The following TMTC3 variants were observed in gnomAD, a reference collection of about 807,000 sequenced individuals.
The protein encoded by TMTC3 is protein O-mannosyl-transferase TMTC3.
A neutral mutation model predicts 92.2 loss-of-function variants in TMTC3; 52 were observed. The observed-to-expected ratio is 0.56, with a 90% CI of 0.45 to 0.71. TMTC3 has a LOEUF of 0.71. Ranked by LOEUF, TMTC3 falls within the 30% of genes least tolerant of loss-of-function variation. The pLI is 0.00. For synonymous variants in TMTC3, 339 were observed against 363.3 expected (o/e 0.93, Z 0.76); for missense variants, 896 against 1,057.1 (o/e 0.85, Z 2.11).
At chr12:88,178,517 T>C (rs1470722457) in intron 10 of TMTC3, among the ~76,000 whole-genome samples, 1 of 151,992 alleles carries the variant, frequency 6.6e-6, no homozygotes, top group Non-Finnish European at 1.5e-5. Flanking sequence ...TTTGTAATTT[T>C]CTATTTAGTG....
chr12:88,195,962 T>G lies in TMTC3; in HGVS notation c.*313T>G, dbSNP rs916981406. On this transcript the variant is annotated 3_prime_UTR_variant, in exon 14 of 14. Transcript: ENST00000266712. Reference sequence around the variant, plus strand: ...TACTGCTCTCAATTAAAAATAATTTTGAGGCCTGAATGATAATCCCTTGAG... The same window carrying G: ...TACTGCTCTCAATTAAAAATAATTTGGAGGCCTGAATGATAATCCCTTGAG... 2 of 191,642 alleles carry G rather than the reference T, an allele frequency of 1.0e-5. No individual in the cohort carries two copies. The highest frequency in any genetic ancestry group is 1.1e-4 in the Admixed American group (2 of 17,602). The allele number at this position is 191,642 out of a possible 1,614,324, so 11.9% of individuals were successfully genotyped here. A position where few individuals can be genotyped will look rare whatever the true frequency, so the allele number is the denominator to read the frequency against.
At chr12:88,168,614 T>C (rs1270730639) in intron 7 of TMTC3, among the ~76,000 whole-genome samples, 1 of 152,118 alleles carries the variant, frequency 6.6e-6, no homozygotes, top group African/African-American at 2.4e-5. Context: ...CCCTGATGGG[T>C]TGGCTTGCAG....
At chr12:88,167,205 G>T (rs534361580) in intron 7 of TMTC3, among the ~76,000 whole-genome samples, 1 of 152,058 alleles carries the variant, frequency 6.6e-6, no homozygotes, top group African/African-American at 2.4e-5. Context: ...GACCAGCCTG[G>T]TCAACCTGGT....
Position 88,192,932 on chromosome 12 carries a change from A to C in TMTC3, c.1933+102A>C, listed in dbSNP as rs537473858. 58 of 921,088 alleles carry C rather than the reference A, an allele frequency of 6.3e-5. 1 individual carries two copies. The African/African-American group carries it at 7.0e-4, about 11-fold the overall frequency. The allele number at this position is 921,088 out of a possible 1,614,324, so 57.1% of individuals were successfully genotyped here. On this transcript the variant is annotated intron_variant, in intron 13 of 13. Coordinates refer to ENST00000266712, the MANE Select transcript of TMTC3 (RefSeq NM_181783.4). ...CCCATAGCAAACACTTTATGTATTG[A>C]CAGTTTATAGCAATACTGTGCTTAA...
chr12:88,176,445 C>A (rs896243219), intron 10 of TMTC3, 126 bp downstream of exon 10: 3 of 640,918 alleles, frequency 4.7e-6, no homozygotes, highest in South Asian at 2.2e-5. Flanking sequence ...GAGTTCAGTG[C>A]TTATTTTGAA....
At chr12:88,157,327 A>G (rs2041023652) in intron 4 of TMTC3, among the ~76,000 whole-genome samples, 1 of 151,490 alleles carries the variant, frequency 6.6e-6, no homozygotes. Context: ...TATTGTATCT[A>G]GTATACACTG....
At chr12:88,181,580 ATG>A (rs1220644265) in intron 10 of TMTC3, among the ~76,000 whole-genome samples, 1 of 152,066 alleles carries the variant, frequency 6.6e-6, no homozygotes, top group Admixed American at 6.5e-5. Flanking sequence ...GGGCTCGAGT[ATG>A]TGTGTTAAAA....
chr12:88,189,781 TTAAAC>T (rs2041422384), intron 11 of TMTC3, among the ~76,000 whole-genome samples: 1 of 152,132 alleles, frequency 6.6e-6, no homozygotes, highest in Admixed American at 6.5e-5. Context: ...AGTTTGGAAA[TTAAAC>T]AGTCTGATTA....
At chr12:88,171,908 T>A (rs995076769) in intron 7 of TMTC3, among the ~76,000 whole-genome samples, 2 of 152,154 alleles carry the variant, frequency 1.3e-5, no homozygotes, top group Non-Finnish European at 2.9e-5. Flanking sequence ...AGGTGTGCGA[T>A]GACATCTCAT....
intron 11 of TMTC3, among the ~76,000 whole-genome samples, chr12:88,189,726 ATAGT>A (rs549235301): frequency 9.5e-4 from 144 of 152,242 alleles, no homozygotes; most frequent in African/African-American, 3.4e-3. Context: ...TGACCGTAGG[ATAGT>A]TAATTTATTC....
intron 10 of TMTC3, among the ~76,000 whole-genome samples, chr12:88,185,654 T>C (rs368667664): frequency 1.3e-4 from 19 of 151,034 alleles, no homozygotes; most frequent in African/African-American, 4.6e-4. Context: ...TTTTAAAGGC[T>C]GCTAAATTAT....
chr12:88,176,328 T>C lies in TMTC3; in HGVS notation c.1432+9T>C. 6.5e-7 allele frequency: 1 copy of C among 1,550,054 alleles called. No homozygotes were observed. Among genetic ancestry groups the C allele is most frequent in the Non-Finnish European group, 8.8e-7 (1 of 1,138,252 alleles). ...TACCCATGTTCAGCCAGGTAAGCAT[T>C]ATTAACTAATAAAATCATGAATTTT... is the stretch of plus-strand genomic sequence containing the variant. On this transcript the variant is annotated intron_variant, in intron 10 of 13. Coordinates refer to ENST00000266712, the MANE Select transcript of TMTC3 (RefSeq NM_181783.4).
intron 11 of TMTC3, among the ~76,000 whole-genome samples, chr12:88,189,720 C>T (rs747869003): frequency 5.3e-5 from 8 of 151,890 alleles, no homozygotes; most frequent in Non-Finnish European, 8.8e-5. Context: ...GGGTTGTGAC[C>T]GTAGGATAGT....
At chr12:88,150,648 A>T (rs978126637) in intron 2 of TMTC3, among the ~76,000 whole-genome samples, 45 of 152,156 alleles carry the variant, frequency 3.0e-4, no homozygotes, top group African/African-American at 9.9e-4. Context: ...TGATGGGCAT[A>T]TTCTCTCCCT....
intron 9 of TMTC3, 143 bp from the exon 10 acceptor site, chr12:88,176,065 C>A: frequency 1.9e-6 from 1 of 539,422 alleles, no homozygotes. Context: ...TTTGGTGAAG[C>A]AGTCTTTATT....
chr12:88,179,888 G>A (rs965349486), intron 10 of TMTC3, among the ~76,000 whole-genome samples: 2 of 152,180 alleles, frequency 1.3e-5, no homozygotes, highest in African/African-American at 4.8e-5. Context: ...AATTTATCTA[G>A]ATAAGTTCCT....
intron 7 of TMTC3, among the ~76,000 whole-genome samples, chr12:88,170,631 A>G (rs1400211535): frequency 6.6e-6 from 1 of 152,210 alleles, no homozygotes; most frequent in East Asian, 1.9e-4. Context: ...ATACACCTCT[A>G]TATTTCACAA....
chr12:88,166,480 A>C lies in TMTC3; in HGVS notation c.948A>C (p.Leu316=). ...MGTIPLIESL[L]DIRNLATFTF... is the part of the protein sequence containing the mutation. ...CAATACCACTTATAGAGTCATTACTAGATATTCGAAATCTGGCCACATTTA... is the reference window on the plus strand; with the variant it reads ...CAATACCACTTATAGAGTCATTACTCGATATTCGAAATCTGGCCACATTTA... Residue 316 remains leucine (L), a synonymous_variant, in exon 7 of 14, where the codon CTA becomes CTC. Coordinates refer to ENST00000266712, the MANE Select transcript of TMTC3 (RefSeq NM_181783.4). 6.2e-7 allele frequency: 1 copy of C among 1,613,910 alleles called. No individual in the cohort carries two copies. Among genetic ancestry groups the C allele is most frequent in the Non-Finnish European group, 8.5e-7 (1 of 1,179,916 alleles).
intron 7 of TMTC3, among the ~76,000 whole-genome samples, chr12:88,167,888 T>G (rs928932435): frequency 6.6e-6 from 1 of 152,096 alleles, no homozygotes. Flanking sequence ...TAAGGTGAAA[T>G]GTAGATGAGG....
Sources: gnomAD v4.1 joint callset for allele counts (sites outside exome capture counted in the v4.1 genomes callset) on GRCh38, gnomAD v4.1.1 for gene constraint, MANE v1.5 for transcripts, NCBI Gene and HGNC (gene_info 2026-07-23, HGNC 2026-07-21) for gene names.